The following CLIP2 variants were observed in gnomAD, a reference collection of about 807,000 sequenced individuals.
CLIP2 encodes CAP-Gly domain-containing linker protein 2.
A neutral mutation model predicts 111.7 loss-of-function variants in CLIP2; 41 were observed. That is an observed-to-expected ratio of 0.37 (90% confidence interval 0.29 to 0.48). CLIP2 has a LOEUF of 0.48. Among genes scored for constraint, CLIP2 ranks in the 20% least tolerant of loss-of-function variants. The pLI, the probability that CLIP2 is intolerant of heterozygous loss-of-function variation, is 0.99. For missense variants in CLIP2, 1,160 were observed against 1,422.1 expected (o/e 0.82, Z 2.96); for synonymous variants, 660 against 644.2 (o/e 1.02, Z -0.37).
At chr7:74,373,814 G>A (rs543689122) in intron 9 of CLIP2, among the ~76,000 whole-genome samples, 6 of 152,188 alleles carry the variant, frequency 3.9e-5, no homozygotes, top group African/African-American at 1.4e-4. Context: ...GGTTTCTCTG[G>A]CCCAGAGAGC....
Position 74,400,354 on chromosome 7 carries a change from C to CT in CLIP2, c.2881-15dup, listed in dbSNP as rs782378743. On this transcript the variant is annotated splice_polypyrimidine_tract_variant and intron_variant, in intron 14 of 16. Coordinates refer to ENST00000223398, the MANE Select transcript of CLIP2 (RefSeq NM_003388.5). ...ACGCACACTCATGTACTCTTCCACT[C>CT]TCCTGCCACTTCCAGGACAAAGAGA... is the stretch of plus-strand genomic sequence containing the variant. 9 of 1,594,058 alleles carry CT rather than the reference C, an allele frequency of 5.6e-6. No homozygotes were observed. The South Asian group carries it at 1.0e-4, about 18-fold the overall frequency.
chr7:74,317,484 G>C lies in CLIP2; in HGVS notation c.-63G>C, dbSNP rs781999614. The C allele has an allele frequency of 3.2e-5, 43 of 1,337,312 alleles. No individual in the cohort carries two copies. Among genetic ancestry groups the C allele is most frequent in the Non-Finnish European group, 4.0e-5 (41 of 1,036,888 alleles). 82.8% of individuals were successfully genotyped at this position (1,337,312 alleles called of 1,614,324 possible). A position where few individuals can be genotyped will look rare whatever the true frequency, so the allele number is the denominator to read the frequency against. On this transcript the variant is annotated 5_prime_UTR_variant, in exon 2 of 17. Transcript: ENST00000223398. ...CTCTCCTGTCTCTGCCCGCAGGTGA[G>C]TGAAGATGGCAGAGAGGACGTGACC...
At chr7:74,368,035 A>G (rs1029612508) in intron 8 of CLIP2, among the ~76,000 whole-genome samples, 1 of 152,198 alleles carries the variant, frequency 6.6e-6, no homozygotes, top group Non-Finnish European at 1.5e-5. Context: ...CAACATAGGG[A>G]GACCTTGTCT....
At chr7:74,383,080 CAA>C (rs556644763) in intron 11 of CLIP2, among the ~76,000 whole-genome samples, 65 of 61,226 alleles carry the variant, frequency 1.1e-3, no homozygotes, top group Admixed American at 1.8e-3. Context: ...ACCCTGTCAC[CAA>C]AAAAAAAAAA....
intron 2 of CLIP2, among the ~76,000 whole-genome samples, chr7:74,335,164 G>T (rs1363448081): frequency 6.6e-6 from 1 of 151,550 alleles, no homozygotes; most frequent in Non-Finnish European, 1.5e-5. Context: ...CCAGCTACTC[G>T]GGAGGCTGAG....
chr7:74,330,474 C>T (rs1324740394), intron 2 of CLIP2, among the ~76,000 whole-genome samples: 2 of 151,948 alleles, frequency 1.3e-5, no homozygotes, highest in African/African-American at 4.8e-5. Flanking sequence ...CCAGGCTGGT[C>T]TCGAGCTTCT....
intron 13 of CLIP2, among the ~76,000 whole-genome samples, chr7:74,396,781 G>A (rs1791460395): frequency 6.6e-6 from 1 of 152,084 alleles, no homozygotes; most frequent in Non-Finnish European, 1.5e-5. Context: ...TCGGCCTTCT[G>A]AAGTGCTGGG....
At chr7:74,363,073 C>G (rs1368632250) in intron 7 of CLIP2, among the ~76,000 whole-genome samples, 2 of 151,946 alleles carry the variant, frequency 1.3e-5, no homozygotes, top group African/African-American at 4.8e-5. Context: ...GGCACGATCT[C>G]AGCTCACCGC....
intron 2 of CLIP2, among the ~76,000 whole-genome samples, chr7:74,328,753 TTTTTC>T (rs1424584364): frequency 6.6e-6 from 1 of 152,012 alleles, no homozygotes; most frequent in East Asian, 1.9e-4. Flanking sequence ...AAAATGCCTT[TTTTTC>T]TTTTCTTTTA....
intron 10 of CLIP2, chr7:74,380,246 T>C (rs576288977): frequency 9.9e-5 from 15 of 152,102 alleles, no homozygotes; most frequent in African/African-American, 3.6e-4. Flanking sequence ...GTCATAGTGA[T>C]GTGTGCCAGG....
At chr7:74,385,034 T>C (rs1206181611) in intron 11 of CLIP2, among the ~76,000 whole-genome samples, 2 of 143,486 alleles carry the variant, frequency 1.4e-5, no homozygotes, top group Admixed American at 7.4e-5. Flanking sequence ...CCCAACACTT[T>C]GGGAGGCCGA....
intron 3 of CLIP2, among the ~76,000 whole-genome samples, chr7:74,352,587 T>G (rs1790036242): frequency 6.6e-6 from 1 of 151,656 alleles, no homozygotes; most frequent in Admixed American, 6.6e-5. Flanking sequence ...ACTGCAATCC[T>G]GGAGTCAGAT....
chr7:74,342,636 G>A (rs1789689455), intron 3 of CLIP2, among the ~76,000 whole-genome samples: 2 of 151,896 alleles, frequency 1.3e-5, no homozygotes, highest in South Asian at 4.1e-4. Context: ...AGCAGGGGCC[G>A]TGTGCGGTGG....
At chr7:74,295,904 T>A (rs1252612218) in intron 1 of CLIP2, among the ~76,000 whole-genome samples, 1 of 146,316 alleles carries the variant, frequency 6.8e-6, no homozygotes, top group Non-Finnish European at 1.5e-5. Flanking sequence ...CAGGAGGATC[T>A]CTTGAACCCA....
chr7:74,297,096 G>A, intron 1 of CLIP2, among the ~76,000 whole-genome samples: 1 of 152,144 alleles, frequency 6.6e-6, no homozygotes. Context: ...TTGGGCCTGG[G>A]GTGCAGGGGA....
intron 7 of CLIP2, among the ~76,000 whole-genome samples, chr7:74,363,622 C>T (rs1461491907): frequency 5.3e-5 from 8 of 152,190 alleles, no homozygotes; most frequent in Admixed American, 3.9e-4. Context: ...CGGAGGCTCA[C>T]GCCTGTAATC....
intron 1 of CLIP2, among the ~76,000 whole-genome samples, chr7:74,301,994 C>T (rs1554726945): frequency 1.3e-5 from 2 of 151,916 alleles, no homozygotes; most frequent in African/African-American, 4.8e-5. Flanking sequence ...ATTACAGGCA[C>T]GAGCCACCAT....
At chr7:74,303,094 A>G (rs1330116065) in intron 1 of CLIP2, among the ~76,000 whole-genome samples, 1 of 152,108 alleles carries the variant, frequency 6.6e-6, no homozygotes, top group Non-Finnish European at 1.5e-5. Flanking sequence ...CCTGAGGGAT[A>G]GTGGGTATAA....
At chr7:74,353,742 C>G in intron 3 of CLIP2, 138 bp from the exon 4 acceptor site, 1 of 1,162,652 alleles carries the variant, frequency 8.6e-7, no homozygotes, top group Non-Finnish European at 1.3e-6. Context: ...CCTTAGGTGT[C>G]TCTCCCTCCC....
Sources: gnomAD v4.1 joint callset for allele counts (sites outside exome capture counted in the v4.1 genomes callset) on GRCh38, gnomAD v4.1.1 for gene constraint, MANE v1.5 for transcripts, NCBI Gene and HGNC (gene_info 2026-07-23, HGNC 2026-07-21) for gene names.